Variants in COL13A1 observed in about 807,000 individuals in gnomAD.
COL13A1 encodes the protein collagen type XIII alpha 1 chain.
Under a neutral mutation model 130.9 loss-of-function variants are expected in COL13A1, and 89 were observed. The observed-to-expected ratio is 0.68, with a 90% CI of 0.57 to 0.81. COL13A1 has a LOEUF of 0.81. Ranked by LOEUF, COL13A1 falls within the 30% of genes least tolerant of loss-of-function variation. The probability of loss-of-function intolerance (pLI) is 0.00; values close to 1 mark genes in which losing one functional copy is unlikely to be tolerated. For missense variants in COL13A1, 879 were observed against 934.6 expected, an observed-to-expected ratio of 0.94 and a Z score of 0.78; for synonymous variants, 402 against 341.6, an observed-to-expected ratio of 1.18 and a Z score of -1.95.
At chr10:69,835,730 C>T (rs997382189) in intron 2 of COL13A1, among the ~76,000 whole-genome samples, 1 of 152,240 alleles carries the variant, frequency 6.6e-6, no homozygotes, top group Non-Finnish European at 1.5e-5. Flanking sequence ...GACCCAAGTG[C>T]TACCCTGGAG....
intron 7 of COL13A1, among the ~76,000 whole-genome samples, chr10:69,882,959 G>A (rs2060287675): frequency 6.6e-6 from 1 of 152,198 alleles, no homozygotes; most frequent in African/African-American, 2.4e-5. Context: ...GTCATTAAGG[G>A]GTAGAAGTCA....
intron 2 of COL13A1, among the ~76,000 whole-genome samples, chr10:69,850,931 G>C (rs765849944): frequency 2.6e-5 from 4 of 152,208 alleles, no homozygotes; most frequent in Non-Finnish European, 5.9e-5. Flanking sequence ...ACTGACATCT[G>C]AGAGCTATCT....
At chr10:69,814,693 A>G (rs1843988288) in intron 1 of COL13A1, among the ~76,000 whole-genome samples, 1 of 152,136 alleles carries the variant, frequency 6.6e-6, no homozygotes, top group South Asian at 2.1e-4. Context: ...GAGAGTTGGG[A>G]CTAGACCCCA....
At chr10:69,927,504 C>T (rs995274405) in intron 27 of COL13A1, among the ~76,000 whole-genome samples, 6 of 152,160 alleles carry the variant, frequency 3.9e-5, no homozygotes, top group African/African-American at 1.4e-4. Context: ...CTAGTAGCAA[C>T]CTACCACGTA....
At chr10:69,830,050 C>T (rs998888935) in intron 2 of COL13A1, among the ~76,000 whole-genome samples, 2 of 152,142 alleles carry the variant, frequency 1.3e-5, no homozygotes, top group African/African-American at 4.8e-5. Flanking sequence ...CCGGAAAGGC[C>T]AGAAGAGCCC....
chr10:69,919,224 C>A (rs1329269644), intron 20 of COL13A1, 136 bp downstream of exon 20: 41 of 1,145,320 alleles, frequency 3.6e-5, no homozygotes, highest in Non-Finnish European at 5.1e-5. Flanking sequence ...CAGAGAAGGG[C>A]CCACTGGTCA....
intron 2 of COL13A1, among the ~76,000 whole-genome samples, chr10:69,848,535 A>G (rs753224602): frequency 4.6e-5 from 7 of 152,160 alleles, no homozygotes; most frequent in Non-Finnish European, 1.0e-4. Flanking sequence ...CCCCGAGGAT[A>G]CCCCTGAGAA....
At chr10:69,935,260 C>A in intron 31 of COL13A1, 90 bp from the exon 32 acceptor site, 1 of 1,142,954 alleles carries the variant, frequency 8.7e-7, no homozygotes, top group African/African-American at 1.5e-5. Flanking sequence ...GCCATGTCCT[C>A]CTCTGGCCTT....
intron 2 of COL13A1, among the ~76,000 whole-genome samples, chr10:69,863,048 G>T (rs950933102): frequency 6.6e-6 from 1 of 152,214 alleles, no homozygotes; most frequent in African/African-American, 2.4e-5. Context: ...AAGGGCGTGC[G>T]TCCTAGGGAC....
At chr10:69,923,886 AG>A in intron 24 of COL13A1, 31 bp downstream of exon 24, 1 of 1,605,958 alleles carries the variant, frequency 6.2e-7, no homozygotes, top group Non-Finnish European at 8.5e-7. Context: ...CAGAGCTGCA[AG>A]ATGAGGGTCA....
intron 5 of COL13A1, among the ~76,000 whole-genome samples, chr10:69,876,514 T>C (rs904861757): frequency 2.1e-4 from 32 of 152,310 alleles, no homozygotes; most frequent in African/African-American, 7.5e-4. Flanking sequence ...CTGGGAGCCC[T>C]GGGCCGCCCC....
At chr10:69,933,714 C>T (rs1354770406) in intron 31 of COL13A1, among the ~76,000 whole-genome samples, 6 of 152,156 alleles carry the variant, frequency 3.9e-5, no homozygotes, top group African/African-American at 1.4e-4. Context: ...AAGCATTATA[C>T]GCACATTGTC....
In COL13A1 at chr10:69,802,664, G is replaced by T. The variant is rs1840343192; in HGVS notation, c.241G>T (p.Glu81Ter). The T allele has an allele frequency of 6.2e-7, 1 of 1,613,416 alleles. No homozygotes were observed. Among genetic ancestry groups the T allele is most frequent in the Admixed American group, 1.7e-5 (1 of 60,000 alleles). The change falls in exon 1 of 41, where the codon GAG (glutamate) becomes TAG (stop). Residue 81 changes from glutamate to a stop codon, truncating the protein, a stop_gained. Coordinates refer to ENST00000645393, the MANE Select transcript of COL13A1 (RefSeq NM_001368882.1). LOFTEE classifies it high-confidence loss of function. Reference protein sequence around the residue: ...RVLRLEAERGEQQMETAILGR... With the variant: ...RVLRLEAERG ...GCTGCGCCTGGAAGCGGAGCGCGGG[G>T]AGCAGCAAATGGAGACGGCTATTTT...
chr10:69,840,037 G>A (rs1851175114), intron 2 of COL13A1, among the ~76,000 whole-genome samples: 2 of 152,232 alleles, frequency 1.3e-5, no homozygotes, highest in Admixed American at 6.5e-5. Context: ...CCAGGTGAGA[G>A]GCAGTGGTGA....
chr10:69,933,342 T>A (rs2066409342), intron 31 of COL13A1, among the ~76,000 whole-genome samples: 1 of 151,974 alleles, frequency 6.6e-6, no homozygotes, highest in Non-Finnish European at 1.5e-5. Flanking sequence ...GCATTATTCT[T>A]TTGAGAAGTG....
At chr10:69,860,926 C>T (rs1857876167) in intron 2 of COL13A1, among the ~76,000 whole-genome samples, 1 of 152,178 alleles carries the variant, frequency 6.6e-6, no homozygotes, top group South Asian at 2.1e-4. Flanking sequence ...GAACGGCTTC[C>T]CTGGAAACAC....
chr10:69,805,663 A>G (rs10998977), intron 1 of COL13A1, among the ~76,000 whole-genome samples: 28,221 of 152,166 alleles, frequency 0.19, 2,954 homozygotes, highest in East Asian at 0.27. Context: ...AGAAAGTTCT[A>G]TTGGCCAGCG....
chr10:69,955,708 C>T (rs1025015221), intron 39 of COL13A1: 5 of 152,240 alleles, frequency 3.3e-5, no homozygotes, highest in African/African-American at 1.2e-4. Flanking sequence ...AATCCCCTCC[C>T]CAACCCAGAG....
chr10:69,852,224 A>G (rs758618442), intron 2 of COL13A1, among the ~76,000 whole-genome samples: 36 of 152,122 alleles, frequency 2.4e-4, no homozygotes, highest in African/African-American at 8.0e-4. Flanking sequence ...ATATTTGCAT[A>G]TTGTAACTTC....
Sources: allele counts gnomAD v4.1 joint callset (sites outside exome capture counted in the v4.1 genomes callset), GRCh38; gene constraint gnomAD v4.1.1; transcripts MANE v1.5; gene names NCBI Gene and HGNC (gene_info 2026-07-23, HGNC 2026-07-21).